The following PKP4 variants were observed in gnomAD, a reference collection of about 807,000 sequenced individuals.
PKP4 encodes the protein plakophilin 4.
PKP4 carries 90 observed loss-of-function variants against 145.1 expected under a neutral mutation model. The ratio of observed to expected loss-of-function variants is 0.62; its 90% confidence interval spans 0.52 to 0.74. The LOEUF (loss-of-function observed/expected upper bound fraction) is 0.74, where lower values mean the gene tolerates loss of function less well. PKP4 is among the 30% of genes least tolerant of loss of function. The pLI is 0.00. For missense variants in PKP4, 1,340 were observed against 1,482.7 expected (o/e 0.90, Z 1.58); for synonymous variants, 563 against 577.2 (o/e 0.98, Z 0.35).
intron 1 of PKP4, among the ~76,000 whole-genome samples, chr2:158,473,315 C>T (rs967966546): frequency 2.0e-5 from 3 of 152,138 alleles, no homozygotes; most frequent in African/African-American, 7.2e-5. Context: ...TGGGTATATA[C>T]CCAGAGGAAT....
At chr2:158,581,883 G>C (rs544830300) in intron 3 of PKP4, among the ~76,000 whole-genome samples, 60 of 152,286 alleles carry the variant, frequency 3.9e-4, no homozygotes, top group African/African-American at 1.4e-3. Flanking sequence ...TTTAGAATTA[G>C]TAGTCTTCCA....
At position 158,661,414 on chromosome 2, in the gene PKP4, C is replaced by T. The variant is rs112890651; in HGVS notation, c.2175C>T (p.Ile725=). ...TGGTAGACTCACTGTTGTATGTGAT[C>T]CACACGTGTGTGAACACATCCGATT... ...EGLVDSLLYV[I]HTCVNTSDYD... The change falls in exon 13 of 22, where the codon ATC becomes ATT. Residue 725 remains isoleucine (I), a synonymous_variant. Transcript: ENST00000389759. 16,882 of 1,613,236 alleles carry T rather than the reference C, an allele frequency of 0.01. 117 individuals carry two copies. Among genetic ancestry groups the T allele is most frequent in the Non-Finnish European group, 0.012 (13,829 of 1,179,242 alleles).
chr2:158,645,884 G>A (rs1209863857), intron 11 of PKP4, among the ~76,000 whole-genome samples: 2 of 152,146 alleles, frequency 1.3e-5, no homozygotes, highest in Non-Finnish European at 2.9e-5. Context: ...TTAAAAATAA[G>A]TCAAAATTAC....
intron 9 of PKP4, among the ~76,000 whole-genome samples, chr2:158,638,541 A>C (rs993850823): frequency 2.6e-5 from 4 of 152,090 alleles, no homozygotes; most frequent in African/African-American, 9.7e-5. Flanking sequence ...TGTTAGTGAC[A>C]TCACCCTCCA....
chr2:158,583,254 G>A (rs536013705), intron 3 of PKP4, among the ~76,000 whole-genome samples: 7 of 152,174 alleles, frequency 4.6e-5, no homozygotes, highest in Non-Finnish European at 1.0e-4. Context: ...ACTGGATACA[G>A]TGAGAGTAAA....
At chr2:158,554,627 G>A (rs887216505) in intron 2 of PKP4, among the ~76,000 whole-genome samples, 5 of 151,854 alleles carry the variant, frequency 3.3e-5, no homozygotes, top group South Asian at 2.1e-4. Context: ...GGGTTTCACT[G>A]TGTTAGCCAG....
At chr2:158,548,718 A>T (rs3771601) in intron 2 of PKP4, 47,042 of 240,868 alleles carry the variant, frequency 0.2, 6,174 homozygotes, top group Middle Eastern at 0.26. Context: ...CAGCTGCTTA[A>T]GCTGGCCCAT....
chr2:158,584,402 G>A (rs1017424141), intron 3 of PKP4, among the ~76,000 whole-genome samples: 1 of 152,204 alleles, frequency 6.6e-6, no homozygotes, highest in Non-Finnish European at 1.5e-5. Context: ...GCATTCTAGT[G>A]GAAGACTCGG....
At chr2:158,652,723 G>C (rs911958763) in intron 11 of PKP4, among the ~76,000 whole-genome samples, 1 of 152,192 alleles carries the variant, frequency 6.6e-6, no homozygotes, top group Admixed American at 6.5e-5. Flanking sequence ...AGAATAGCCA[G>C]GAGCTGGGGC....
chr2:158,667,049 G>T (rs900830540), intron 16 of PKP4, among the ~76,000 whole-genome samples: 7 of 152,150 alleles, frequency 4.6e-5, no homozygotes, highest in African/African-American at 9.7e-5. Flanking sequence ...CTGGGCAGGG[G>T]CAGGACTAGG....
intron 1 of PKP4, among the ~76,000 whole-genome samples, chr2:158,487,739 T>A (rs1694373065): frequency 6.6e-6 from 1 of 151,760 alleles, no homozygotes; most frequent in Admixed American, 6.6e-5. Context: ...CCAGCATAGT[T>A]CTGGCTTATA....
chr2:158,603,178 T>C, intron 4 of PKP4, 74 bp downstream of exon 4: 1 of 818,346 alleles, frequency 1.2e-6, no homozygotes, highest in African/African-American at 1.8e-5. Flanking sequence ...ACTTACTATC[T>C]CTTGGTGAAA....
intron 9 of PKP4, among the ~76,000 whole-genome samples, chr2:158,635,639 T>C (rs2053744436): frequency 2.0e-5 from 3 of 152,174 alleles, no homozygotes; most frequent in African/African-American, 7.2e-5. Context: ...TGACCTCTAA[T>C]GTGAGTTGAT....
chr2:158,597,068 G>A lies in PKP4; in HGVS notation c.246-6002G>A, dbSNP rs199732252. ...TAGATATGTGAATGTCTCTTTAGTC[G>A]GCATAGTGCTGGGCCCTGTGACATT... On this transcript the variant is annotated intron_variant, in intron 3 of 21. Transcript: ENST00000389759. 5.3e-4 allele frequency among the ~76,000 whole-genome samples: 81 copies of A among 152,028 alleles called. 1 individual carries two copies. The highest frequency in any genetic ancestry group is 2.1e-4 in the South Asian group (1 of 4,818).
chr2:158,489,736 T>G (rs1242414862), intron 1 of PKP4, among the ~76,000 whole-genome samples: 1 of 152,252 alleles, frequency 6.6e-6, no homozygotes, highest in Admixed American at 6.5e-5. Context: ...AAAATGTTCT[T>G]TCCTTTTGGA....
chr2:158,541,064 A>G (rs1255149558), intron 2 of PKP4, among the ~76,000 whole-genome samples: 1 of 152,170 alleles, frequency 6.6e-6, no homozygotes, highest in Non-Finnish European at 1.5e-5. Context: ...AGGATTATTC[A>G]GCATTGAATT....
In PKP4 at chr2:158,642,544, A is replaced by C. The variant is rs549049069; in HGVS notation, c.1754A>C (p.Glu585Ala). ...GACCTTCTGGACCACAGAGTTTTGGAAGTTCAGAAGAATGCTTGTGGTGCC... is the reference window on the plus strand; with the variant it reads ...GACCTTCTGGACCACAGAGTTTTGGCAGTTCAGAAGAATGCTTGTGGTGCC... Reference protein sequence around the residue: ...LVDLLDHRVLEVQKNACGALR... With the variant: ...LVDLLDHRVLAVQKNACGALR... Residue 585 changes from glutamate (E) to alanine (A), a missense_variant, in exon 11 of 22, where the codon GAA becomes GCA. Glu to Ala is a moderately radical substitution (Grantham distance 107). Transcript: ENST00000389759. 15 of 1,613,626 alleles carry C rather than the reference A, an allele frequency of 9.3e-6. No homozygotes were observed. Among genetic ancestry groups the C allele is most frequent in the Non-Finnish European group, 1.1e-5 (13 of 1,179,684 alleles).
intron 1 of PKP4, among the ~76,000 whole-genome samples, chr2:158,522,879 T>C (rs1368327985): frequency 6.6e-6 from 1 of 152,172 alleles, no homozygotes; most frequent in Non-Finnish European, 1.5e-5. Context: ...CGGACGCACC[T>C]GGAAAATCGG....
At chr2:158,643,952 GA>G (rs2054580571) in intron 11 of PKP4, among the ~76,000 whole-genome samples, 1 of 152,082 alleles carries the variant, frequency 6.6e-6, no homozygotes. Flanking sequence ...TTTTAGTAGA[GA>G]TGGAGTCTCA....
Sources: gnomAD v4.1 joint callset for allele counts (sites outside exome capture counted in the v4.1 genomes callset) on GRCh38, gnomAD v4.1.1 for gene constraint, MANE v1.5 for transcripts, NCBI Gene and HGNC (gene_info 2026-07-23, HGNC 2026-07-21) for gene names.